Variants in TTC12 observed in about 807,000 individuals in gnomAD.
TTC12 encodes the protein tetratricopeptide repeat domain 12, also known as tetratricopeptide repeat protein 12.
A neutral mutation model predicts 90.1 loss-of-function variants in TTC12; 70 were observed. The ratio of observed to expected loss-of-function variants is 0.78; its 90% CI spans 0.64 to 0.95. The LOEUF is 0.95. TTC12 is among the 40% of genes least tolerant of loss of function. The pLI is 0.00. For synonymous variants in TTC12, 296 were observed against 311.5 expected, an observed-to-expected ratio of 0.95 and a Z score of 0.53; for missense variants, 819 against 846.1, an observed-to-expected ratio of 0.97 and a Z score of 0.40.
chr11:113,368,595 C>A (rs1490223798), downstream of TTC12: 3 of 1,137,094 alleles, frequency 2.6e-6, no homozygotes, highest in African/African-American at 4.6e-5. Context: ...CAGTCCAGAG[C>A]TGCTCACTGT....
chr11:113,364,758 C>A lies in TTC12; in HGVS notation c.1817-77C>A, dbSNP rs574472029. On this transcript the variant is annotated intron_variant, in intron 20 of 21. Coordinates refer to ENST00000529221, the MANE Select transcript of TTC12 (RefSeq NM_017868.4). ...CTCGGTGTCCGCTGACATCTCCCTGCACCCCTCATGTCCTGTTGCCAGCCT... is the reference window on the plus strand; with the variant it reads ...CTCGGTGTCCGCTGACATCTCCCTGAACCCCTCATGTCCTGTTGCCAGCCT... The A allele has an allele frequency of 5.9e-6, 7 of 1,190,074 alleles. No individual in the cohort carries two copies. In the African/African-American group the frequency reaches 6.0e-5, roughly 10 times the overall value. The allele number at this position is 1,190,074 out of a possible 1,614,324, so 73.7% of individuals were successfully genotyped here.
At chr11:113,360,988 G>A (rs572620013) in intron 18 of TTC12, among the ~76,000 whole-genome samples, 5 of 152,300 alleles carry the variant, frequency 3.3e-5, no homozygotes, top group Non-Finnish European at 7.3e-5. Context: ...AGACCTAAAG[G>A]TGAGCCTACA....
chr11:113,365,312 G>C (rs1950150700), intron 21 of TTC12, among the ~76,000 whole-genome samples: 1 of 152,134 alleles, frequency 6.6e-6, no homozygotes. Context: ...CCCACTTGCT[G>C]CCGTTGCCTT....
chr11:113,346,045 T>C (rs1341587277), intron 13 of TTC12, among the ~76,000 whole-genome samples: 1 of 152,146 alleles, frequency 6.6e-6, no homozygotes, highest in Non-Finnish European at 1.5e-5. Context: ...ACGAGGCAGT[T>C]TGAAGCAAGA....
chr11:113,327,703 T>G (rs1947777148), intron 6 of TTC12, among the ~76,000 whole-genome samples: 1 of 151,920 alleles, frequency 6.6e-6, no homozygotes, highest in South Asian at 2.1e-4. Context: ...TTCTTCAGAG[T>G]CTGCATGTAT....
intron 2 of TTC12, among the ~76,000 whole-genome samples, chr11:113,316,727 A>G (rs1946961006): frequency 6.6e-6 from 1 of 152,218 alleles, no homozygotes; most frequent in African/African-American, 2.4e-5. Context: ...GCAAAATCAA[A>G]TGGCTTTCCT....
intron 1 of TTC12, chr11:113,315,259 G>C (rs1946862709): frequency 6.6e-6 from 1 of 152,150 alleles, no homozygotes; most frequent in Admixed American, 6.5e-5. Flanking sequence ...TCAGTCCCCA[G>C]AATAGTCCTC....
At chr11:113,334,074 A>T (rs545798391) in intron 7 of TTC12, among the ~76,000 whole-genome samples, 1 of 152,312 alleles carries the variant, frequency 6.6e-6, no homozygotes, top group East Asian at 1.9e-4. Flanking sequence ...GGCCAACAAC[A>T]CGCCACTTCT....
At chr11:113,320,109 G>A (rs1266327499) in intron 2 of TTC12, among the ~76,000 whole-genome samples, 1 of 152,110 alleles carries the variant, frequency 6.6e-6, no homozygotes, top group Non-Finnish European at 1.5e-5. Flanking sequence ...AGGGGAAGAT[G>A]TTTGGAAATA....
At chr11:113,327,506 A>T (rs946327706) in intron 6 of TTC12, among the ~76,000 whole-genome samples, 1 of 152,220 alleles carries the variant, frequency 6.6e-6, no homozygotes, top group African/African-American at 2.4e-5. Flanking sequence ...GTTATGATCA[A>T]TAGATTGCCG....
chr11:113,357,163 T>A (rs1257926461), intron 16 of TTC12, among the ~76,000 whole-genome samples: 3 of 152,216 alleles, frequency 2.0e-5, no homozygotes, highest in Non-Finnish European at 4.4e-5. Flanking sequence ...GACTGTCTTA[T>A]TTCAGAAAGC....
chr11:113,361,941 C>T (rs2138074830), intron 18 of TTC12, among the ~76,000 whole-genome samples: 1 of 142,492 alleles, frequency 7.0e-6, no homozygotes. Context: ...AGAGTAACAG[C>T]TTGGCATTTA....
At chr11:113,344,698 A>C (rs1211288081) in intron 13 of TTC12, among the ~76,000 whole-genome samples, 1 of 152,200 alleles carries the variant, frequency 6.6e-6, no homozygotes, top group Non-Finnish European at 1.5e-5. Flanking sequence ...GTGCTTCCGT[A>C]GCCAGATCAG....
chr11:113,359,409 C>T lies in TTC12; in HGVS notation c.1493C>T (p.Thr498Ile). Residue 498 changes from threonine (T) to isoleucine (I), a missense_variant, in exon 17 of 22, where the codon ACA becomes ATA. Transcript: ENST00000529221. Reference protein sequence around the residue: ...DVDLFREVIYTLLGLMMNLCL... With the variant: ...DVDLFREVIYILLGLMMNLCL... ...GACCTGTTCAGAGAGGTTATCTACA[C>T]ACTCCTGGGACTCATGATGAACCTG... 4 of 1,613,510 alleles carry T rather than the reference C, an allele frequency of 2.5e-6. No homozygotes were observed. The African/African-American group carries it at 4.0e-5, about 16-fold the overall frequency.
chr11:113,328,696 CAG>C (rs1947844051), intron 6 of TTC12, among the ~76,000 whole-genome samples: 1 of 152,138 alleles, frequency 6.6e-6, no homozygotes, highest in Admixed American at 6.5e-5. Context: ...AGTATAATCA[CAG>C]AGTTGTGCAA....
At chr11:113,354,937 G>A (rs1949537326) in intron 16 of TTC12, among the ~76,000 whole-genome samples, 1 of 152,308 alleles carries the variant, frequency 6.6e-6, no homozygotes, top group South Asian at 2.1e-4. Context: ...GTGTGTCTCT[G>A]CCAGGTTTGG....
chr11:113,363,836 T>C lies in TTC12; in HGVS notation c.1725T>C (p.Gly575=), dbSNP rs753302946. 6.2e-7 allele frequency: 1 copy of C among 1,609,872 alleles called. No homozygotes were observed. The highest frequency in any genetic ancestry group is 1.7e-5 in the Admixed American group (1 of 59,734). Residue 575 remains glycine (G), a synonymous_variant, in exon 20 of 22, where the codon GGT becomes GGC. Coordinates refer to ENST00000529221, the MANE Select transcript of TTC12 (RefSeq NM_017868.4). ...TTCATTCTGAAATCTAGACAGGAGG[T>C]GAGACTGCATCACGTTATGCTATAA... ...KKMMKFLKTG[G]ETASRYAIKI... is the part of the protein sequence containing the mutation.
chr11:113,314,857 T>TGGGGCAGCCTCCGCGCGGGGCTCG (rs1484955664), intron 1 of TTC12: 39 of 129,128 alleles, frequency 3.0e-4, no homozygotes, highest in Admixed American at 1.0e-3. Context: ...AGCGCGCGTC[T>TGGGGCAGCCTCCGCGCGGGGCTCG]GGGGCAGGCT....
rs1946798693 is a variant in TTC12 at position 113,314,612 on chromosome 11, G to C, written c.-22G>C. 1 of 152,850 alleles carries C rather than the reference G, an allele frequency of 6.5e-6. No individual in the cohort carries two copies. The highest frequency in any genetic ancestry group is 6.5e-5 in the Admixed American group (1 of 15,294). 9.5% of individuals were successfully genotyped at this position (152,850 alleles called of 1,614,324 possible). The stretch of plus-strand genomic sequence containing the variant: ...CGCCATTTCCTGTCCAAAGCTGGGC[G>C]AATCAGGTCGGTGCCGCGGGGTACC... On this transcript the variant is annotated 5_prime_UTR_variant, in exon 1 of 22. Coordinates refer to ENST00000529221, the MANE Select transcript of TTC12 (RefSeq NM_017868.4).
Sources: gnomAD v4.1 joint callset for allele counts (sites outside exome capture counted in the v4.1 genomes callset) on GRCh38, gnomAD v4.1.1 for gene constraint, MANE v1.5 for transcripts, NCBI Gene and HGNC (gene_info 2026-07-23, HGNC 2026-07-21) for gene names.